FOXP2: variants seen among roughly 807,000 people sequenced by gnomAD.
The protein encoded by FOXP2 is forkhead box P2, also known as forkhead box protein P2.
Under a neutral mutation model 115.8 loss-of-function variants are expected in FOXP2, and 12 were observed. The observed-to-expected ratio is 0.10, with a 90% CI of 0.07 to 0.17. FOXP2 has a LOEUF of 0.17. Ranked by LOEUF, FOXP2 falls within the 10% of genes least tolerant of loss-of-function variation. FOXP2 has a pLI of 1.00. For synonymous variants in FOXP2, 328 were observed against 297.7 expected (o/e 1.10, Z -1.05); for missense variants, 629 against 843.5 (o/e 0.75, Z 3.15).
intron 1 of FOXP2, among the ~76,000 whole-genome samples, chr7:114,209,217 G>T (rs1252328448): frequency 6.6e-6 from 1 of 152,094 alleles, no homozygotes; most frequent in Non-Finnish European, 1.5e-5. Context: ...TCTCCTTGCT[G>T]CTCCCATGTG....
At chr7:114,632,210 A>G (rs1213987240) in intron 6 of FOXP2, among the ~76,000 whole-genome samples, 3 of 152,232 alleles carry the variant, frequency 2.0e-5, no homozygotes, top group Non-Finnish European at 2.9e-5. Flanking sequence ...ACCCCATCCT[A>G]TGTCACAGGA....
chr7:114,615,008 C>T (rs897011315), intron 3 of FOXP2, among the ~76,000 whole-genome samples: 1 of 152,058 alleles, frequency 6.6e-6, no homozygotes, highest in Non-Finnish European at 1.5e-5. Context: ...ATCACAAGGT[C>T]AGGAGTTCAA....
intron 9 of FOXP2, 104 bp from the exon 10 acceptor site, chr7:114,653,822 G>A (rs1459696407): frequency 2.4e-6 from 3 of 1,233,696 alleles, no homozygotes; most frequent in African/African-American, 3.0e-5. Flanking sequence ...TTACATGCAG[G>A]AATCATTATT....
intron 1 of FOXP2, among the ~76,000 whole-genome samples, chr7:114,233,091 A>C (rs904967146): frequency 1.3e-5 from 2 of 152,152 alleles, no homozygotes; most frequent in Admixed American, 1.3e-4. Context: ...ATCTGCTGTG[A>C]AAAATTGTGT....
intron 1 of FOXP2, among the ~76,000 whole-genome samples, chr7:114,173,795 G>A (rs1308024000): frequency 2.0e-5 from 3 of 151,864 alleles, no homozygotes; most frequent in African/African-American, 7.2e-5. Flanking sequence ...TTAAAAACCA[G>A]CTATGTTTCT....
chr7:114,615,247 T>C (rs2129320232), intron 3 of FOXP2, among the ~76,000 whole-genome samples: 1 of 152,208 alleles, frequency 6.6e-6, no homozygotes, highest in Middle Eastern at 3.4e-3. Flanking sequence ...TAATACAATT[T>C]CTTCTAATCC....
At chr7:114,573,089 G>A (rs943993199) in intron 3 of FOXP2, among the ~76,000 whole-genome samples, 36 of 151,800 alleles carry the variant, frequency 2.4e-4, no homozygotes, top group Non-Finnish European at 4.6e-4. Flanking sequence ...GGGAAAGGAG[G>A]AGCATAGCAG....
intron 2 of FOXP2, among the ~76,000 whole-genome samples, chr7:114,291,897 A>C (rs1477581556): frequency 1.4e-5 from 2 of 142,476 alleles, no homozygotes; most frequent in African/African-American, 2.6e-5. Flanking sequence ...TATATATTAT[A>C]GATAATATAT....
intron 3 of FOXP2, among the ~76,000 whole-genome samples, chr7:114,544,067 G>T (rs1293032817): frequency 2.0e-5 from 3 of 151,912 alleles, no homozygotes; most frequent in African/African-American, 4.8e-5. Flanking sequence ...TGTTGCCCAG[G>T]CTGGGCTCTA....
At chr7:114,336,710 T>C (rs1797862275) in intron 2 of FOXP2, among the ~76,000 whole-genome samples, 1 of 151,528 alleles carries the variant, frequency 6.6e-6, no homozygotes, top group African/African-American at 2.4e-5. Flanking sequence ...CCTAATGGTA[T>C]AGTAACAAAA....
chr7:114,279,918 A>C (rs1447065368), intron 1 of FOXP2, among the ~76,000 whole-genome samples: 1 of 152,018 alleles, frequency 6.6e-6, no homozygotes, highest in African/African-American at 2.4e-5. Context: ...GCATTTTTTT[A>C]AGGCTTAGGC....
At chr7:114,391,707 C>T (rs1000353764) in intron 2 of FOXP2, among the ~76,000 whole-genome samples, 9 of 152,264 alleles carry the variant, frequency 5.9e-5, no homozygotes, top group African/African-American at 1.9e-4. Flanking sequence ...AACCATAAAA[C>T]GTAAGCCTTT....
At chr7:114,341,736 C>T (rs1478647164) in intron 2 of FOXP2, among the ~76,000 whole-genome samples, 1 of 151,096 alleles carries the variant, frequency 6.6e-6, no homozygotes, top group African/African-American at 2.4e-5. Flanking sequence ...AAGATACGTT[C>T]ATTCCCTCAT....
chr7:114,175,189 A>G (rs1170248220), intron 1 of FOXP2, among the ~76,000 whole-genome samples: 1 of 152,080 alleles, frequency 6.6e-6, no homozygotes, highest in Non-Finnish European at 1.5e-5. Flanking sequence ...TAAAGACAAG[A>G]TGGTAAAGAC....
intron 2 of FOXP2, among the ~76,000 whole-genome samples, chr7:114,314,647 C>T (rs1797230092): frequency 6.6e-6 from 1 of 152,164 alleles, no homozygotes; most frequent in African/African-American, 2.4e-5. Flanking sequence ...TTCCTAGTAC[C>T]TAACCTCAGG....
intron 16 of FOXP2, among the ~76,000 whole-genome samples, chr7:114,684,346 G>T (rs1225077371): frequency 6.6e-6 from 1 of 152,168 alleles, no homozygotes; most frequent in Non-Finnish European, 1.5e-5. Context: ...TGTCAGAGGA[G>T]GGGGACCTCC....
chr7:114,654,258 C>A, intron 10 of FOXP2: 1 of 824,302 alleles, frequency 1.2e-6, no homozygotes, highest in East Asian at 3.7e-5. Context: ...CAAATCACTG[C>A]CTTGGGGCTG....
At chr7:114,536,416 T>TTG (rs1562983690) in intron 3 of FOXP2, among the ~76,000 whole-genome samples, 3 of 128,846 alleles carry the variant, frequency 2.3e-5, no homozygotes, top group African/African-American at 9.0e-5. Context: ...TTTTTTTTTT[T>TTG]TTGTTGTTGT....
chr7:114,602,952 C>T (rs754238460), intron 3 of FOXP2, among the ~76,000 whole-genome samples: 6 of 152,022 alleles, frequency 3.9e-5, no homozygotes, highest in Non-Finnish European at 7.4e-5. Context: ...CTTTTACAGC[C>T]TTGAAATAGC....
Sources: allele counts gnomAD v4.1 joint callset (sites outside exome capture counted in the v4.1 genomes callset), GRCh38; gene constraint gnomAD v4.1.1; transcripts MANE v1.5; gene names NCBI Gene and HGNC (gene_info 2026-07-23, HGNC 2026-07-21).